The following RGS7 variants were observed in gnomAD, a reference collection of about 807,000 sequenced individuals.
RGS7 encodes the protein regulator of G protein signaling 7.
A neutral mutation model predicts 81.1 loss-of-function variants in RGS7; 27 were observed. The ratio of observed to expected loss-of-function variants is 0.33; its 90% CI spans 0.25 to 0.46. The LOEUF (loss-of-function observed/expected upper bound fraction) is 0.46. RGS7 is among the 20% of genes least tolerant of loss of function. The pLI is 1.00. For synonymous variants in RGS7, 208 were observed against 207.7 expected (o/e 1.00, Z -0.01); for missense variants, 396 against 607.4 (o/e 0.65, Z 3.66).
Position 241,113,309 on chromosome 1 carries a change from C to T in RGS7, c.79-14547G>A, listed in dbSNP as rs565902881. Among the ~76,000 whole-genome samples, 14 of 152,196 alleles carry T rather than the reference C, an allele frequency of 9.2e-5. 1 individual carries two copies. The highest frequency in any genetic ancestry group is 5.2e-4 in the Admixed American group (8 of 15,282). On this transcript the variant is annotated intron_variant, in intron 2 of 18. Coordinates refer to ENST00000440928, the MANE Select transcript of RGS7 (RefSeq NM_001364886.1). ...TGACTATTATCTTATGGCTAGAACA[C>T]GAACATCAGAAGGTCATGGCAGTGA...
chr1:241,194,883 G>A (rs2072949106), intron 2 of RGS7, among the ~76,000 whole-genome samples: 1 of 152,170 alleles, frequency 6.6e-6, no homozygotes, highest in African/African-American at 2.4e-5. Context: ...TTTGAGTTTA[G>A]TGCCTTCCAG....
At chr1:241,022,946 T>C (rs1572319301) in intron 3 of RGS7, among the ~76,000 whole-genome samples, 1 of 152,212 alleles carries the variant, frequency 6.6e-6, no homozygotes, top group South Asian at 2.1e-4. Context: ...ATACCACTAC[T>C]AATAATTAAT....
rs2083535529 is a variant in RGS7, at chr1:241,355,961, G to A, written c.-50-135C>T. 9.4e-6 allele frequency: 6 copies of A among 636,270 alleles called. No individual in the cohort carries two copies. The East Asian group carries it at 1.6e-4, about 17-fold the overall frequency. The allele number at this position is 636,270 out of a possible 1,614,324, so 39.4% of individuals were successfully genotyped here. On this transcript the variant is annotated intron_variant, in intron 1 of 18. Coordinates refer to ENST00000440928, the MANE Select transcript of RGS7 (RefSeq NM_001364886.1). Reference sequence around the variant, plus strand: ...GCTGGAGAAAGTGACACAGGACATGGATTTTTTAAAAAGTGAGTTGACACC... The same window carrying A: ...GCTGGAGAAAGTGACACAGGACATGAATTTTTTAAAAAGTGAGTTGACACC...
At chr1:241,225,257 A>G (rs2075252670) in intron 2 of RGS7, among the ~76,000 whole-genome samples, 1 of 152,222 alleles carries the variant, frequency 6.6e-6, no homozygotes. Flanking sequence ...GTGGTAAGCA[A>G]AATACATGTT....
intron 2 of RGS7, among the ~76,000 whole-genome samples, chr1:241,329,078 T>C (rs1487536018): frequency 6.6e-6 from 1 of 152,214 alleles, no homozygotes; most frequent in Non-Finnish European, 1.5e-5. Flanking sequence ...CTTGGTAGGT[T>C]TCCATCTAAT....
At chr1:240,882,191 A>T (rs1666526268) in intron 6 of RGS7, among the ~76,000 whole-genome samples, 1 of 152,152 alleles carries the variant, frequency 6.6e-6, no homozygotes, top group Admixed American at 6.5e-5. Flanking sequence ...CTGGGATTAC[A>T]AGCATGAGCC....
At chr1:240,813,769 C>T (rs1489990994) in intron 12 of RGS7, 41 bp from the exon 13 acceptor site, 2 of 1,340,396 alleles carry the variant, frequency 1.5e-6, no homozygotes, top group Non-Finnish European at 1.1e-6. Flanking sequence ...AGTTTTCTGA[C>T]TGGGGTTGCA....
intron 2 of RGS7, among the ~76,000 whole-genome samples, chr1:241,254,118 C>A (rs1345225714): frequency 6.8e-6 from 1 of 147,048 alleles, no homozygotes; most frequent in East Asian, 2.0e-4. Context: ...GAGAATGGCA[C>A]AAACCCGGGA....
chr1:241,272,994 ATG>A (rs2077995274), intron 2 of RGS7, among the ~76,000 whole-genome samples: 1 of 151,686 alleles, frequency 6.6e-6, no homozygotes, highest in African/African-American at 2.4e-5. Context: ...ATACATATGT[ATG>A]TGTGTGTGTC....
intron 4 of RGS7, among the ~76,000 whole-genome samples, chr1:240,954,672 C>G (rs1015811667): frequency 2.6e-5 from 4 of 152,116 alleles, no homozygotes; most frequent in African/African-American, 9.7e-5. Context: ...TGGACAGTTT[C>G]TCTCTAACAT....
intron 4 of RGS7, among the ~76,000 whole-genome samples, chr1:240,942,730 C>G (rs1157177951): frequency 6.6e-6 from 1 of 152,064 alleles, no homozygotes; most frequent in Non-Finnish European, 1.5e-5. Flanking sequence ...AATTCTGAGC[C>G]ATAAAAAGAA....
chr1:241,119,938 T>TAGCA (rs2066135086), intron 2 of RGS7, among the ~76,000 whole-genome samples: 1 of 152,238 alleles, frequency 6.6e-6, no homozygotes, highest in South Asian at 2.1e-4. Flanking sequence ...ACTCAAATAA[T>TAGCA]AGCACATCAC....
chr1:241,153,669 C>A (rs1035491778), intron 2 of RGS7, among the ~76,000 whole-genome samples: 1 of 152,220 alleles, frequency 6.6e-6, no homozygotes, highest in Admixed American at 6.5e-5. Flanking sequence ...TAAACCACAT[C>A]CCGCAGTGTA....
chr1:240,941,986 A>T (rs985168888), intron 4 of RGS7, among the ~76,000 whole-genome samples: 1 of 151,978 alleles, frequency 6.6e-6, no homozygotes, highest in African/African-American at 2.4e-5. Context: ...TAAACCTACT[A>T]AAAAATTCCA....
chr1:241,272,716 C>T (rs1477283401), intron 2 of RGS7, among the ~76,000 whole-genome samples: 4 of 152,170 alleles, frequency 2.6e-5, no homozygotes, highest in African/African-American at 9.7e-5. Flanking sequence ...ATATTATCCA[C>T]AGGTCTCAAG....
intron 6 of RGS7, among the ~76,000 whole-genome samples, chr1:240,924,503 G>A (rs985901677): frequency 1.3e-5 from 2 of 152,080 alleles, no homozygotes; most frequent in South Asian, 4.1e-4. Context: ...CTTATGTGGG[G>A]AACAAATTTT....
intron 2 of RGS7, among the ~76,000 whole-genome samples, chr1:241,221,006 A>AGAGAGGAAGGAAGGAAGGAAGG (rs1553289481): frequency 1.7e-4 from 14 of 84,640 alleles, no homozygotes; most frequent in African/African-American, 5.6e-4. Flanking sequence ...AGAGAGAGAG[A>AGAGAGGAAGGAAGGAAGGAAGG]AAGGAAGGAA....
intron 9 of RGS7, among the ~76,000 whole-genome samples, chr1:240,833,589 A>G (rs1694204895): frequency 1.3e-5 from 2 of 152,184 alleles, no homozygotes; most frequent in Non-Finnish European, 1.5e-5. Flanking sequence ...ACCCCATTGT[A>G]GGTCAAGGAG....
At chr1:241,218,064 G>A (rs1189003919) in intron 2 of RGS7, among the ~76,000 whole-genome samples, 1 of 152,104 alleles carries the variant, frequency 6.6e-6, no homozygotes, top group African/African-American at 2.4e-5. Context: ...TGTGCATGTG[G>A]ATATGTGTGT....
Sources: gnomAD v4.1 joint callset for allele counts (sites outside exome capture counted in the v4.1 genomes callset) on GRCh38, gnomAD v4.1.1 for gene constraint, MANE v1.5 for transcripts, NCBI Gene and HGNC (gene_info 2026-07-23, HGNC 2026-07-21) for gene names.